Variants in TENM2 observed in about 807,000 individuals in gnomAD.
The protein encoded by TENM2 is teneurin transmembrane protein 2.
Under a neutral mutation model 245.2 loss-of-function variants are expected in TENM2, and 52 were observed. The ratio of observed to expected loss-of-function variants is 0.21; its 90% confidence interval spans 0.17 to 0.27. The LOEUF (loss-of-function observed/expected upper bound fraction) is 0.27, where lower values mean the gene tolerates loss of function less well. TENM2 is among the 10% of genes least tolerant of loss of function. The pLI is 1.00. For missense variants in TENM2, 3,046 were observed against 3,666.8 expected (o/e 0.83, Z 4.37); for synonymous variants, 1,363 against 1,438.9 (o/e 0.95, Z 1.19).
the TENM2 span, among the ~76,000 whole-genome samples, chr5:167,086,331 G>T: frequency 5.6e-4 from 86 of 152,220 alleles, 3 homozygotes; most frequent in African/African-American, 1.8e-3. Context: ...AACAATTTTT[G>T]CCTCTTAGAG....
chr5:167,784,973 GTT>G (rs35080720), intron 2 of TENM2, among the ~76,000 whole-genome samples: 21 of 149,886 alleles, frequency 1.4e-4, no homozygotes, highest in South Asian at 4.2e-4. Flanking sequence ...TTGAATTAAG[GTT>G]TTTTTTTTTG....
chr5:167,010,159 A>G, the TENM2 span, among the ~76,000 whole-genome samples: 1 of 152,188 alleles, frequency 6.6e-6, no homozygotes, highest in Non-Finnish European at 1.5e-5. Context: ...AGGCGGGTGG[A>G]TCACCTGAGG....
At chr5:167,185,807 TG>T in the TENM2 span, among the ~76,000 whole-genome samples, 1 of 152,052 alleles carries the variant, frequency 6.6e-6, no homozygotes, top group African/African-American at 2.4e-5. Flanking sequence ...AAACCTTTGG[TG>T]TGTCTTTGCG....
chr5:167,161,118 A>G, the TENM2 span, among the ~76,000 whole-genome samples: 124 of 152,364 alleles, frequency 8.1e-4, no homozygotes, highest in East Asian at 9.4e-3. Context: ...AAGATTGAAC[A>G]TATTTCTTTC....
At chr5:167,000,945 C>A in the TENM2 span, among the ~76,000 whole-genome samples, 3 of 151,670 alleles carry the variant, frequency 2.0e-5, no homozygotes, top group African/African-American at 7.3e-5. Context: ...AAAATTTTGT[C>A]TGTGGTTTTT....
rs1183665603 is a variant in TENM2 at position 167,894,980 on chromosome 5, AGGAAGGAAGGAG to A, written c.712+18797_712+18808del. ...AAGGAAGGAAGGAAGGAAGGAAGGAAGGAAGGAAGGAGGGAAGGAAGGAAGGAAGGGAGGGAG... is the reference window on the plus strand; with the variant it reads ...AAGGAAGGAAGGAAGGAAGGAAGGAAGGAAGGAAGGAAGGAAGGGAGGGAG... On this transcript the variant is annotated intron_variant, in intron 3 of 28. Coordinates refer to ENST00000518659, the Ensembl canonical transcript of TENM2. Among the ~76,000 whole-genome samples, 15 of 99,628 alleles carry A rather than the reference AGGAAGGAAGGAG, an allele frequency of 1.5e-4. No homozygotes were observed. In the East Asian group the frequency reaches 1.9e-3, roughly 12 times the overall value. 65.4% of individuals were successfully genotyped at this position (99,628 alleles called of 152,430 possible). A position where few individuals can be genotyped will look rare whatever the true frequency, so the allele number is the denominator to read the frequency against.
intron 2 of TENM2, among the ~76,000 whole-genome samples, chr5:167,521,556 T>C (rs1770757186): frequency 6.6e-6 from 1 of 152,200 alleles, no homozygotes; most frequent in Non-Finnish European, 1.5e-5. Flanking sequence ...GGTGGGATCT[T>C]GGCATAGCCA....
intron 2 of TENM2, among the ~76,000 whole-genome samples, chr5:167,453,967 A>T (rs1043940330): frequency 1.4e-4 from 22 of 152,206 alleles, no homozygotes; most frequent in African/African-American, 5.1e-4. Flanking sequence ...ACTTAGGGAC[A>T]TGGGTAATCA....
chr5:167,577,267 G>A (rs941354979), intron 2 of TENM2, among the ~76,000 whole-genome samples: 15 of 152,180 alleles, frequency 9.9e-5, no homozygotes, highest in African/African-American at 3.4e-4. Flanking sequence ...GGGGGACGTA[G>A]GGTATTACAA....
intron 9 of TENM2, among the ~76,000 whole-genome samples, chr5:168,112,863 T>G (rs1794789703): frequency 6.6e-6 from 1 of 152,200 alleles, no homozygotes; most frequent in Admixed American, 6.5e-5. Context: ...TCTCCATCAC[T>G]TATCCTCTAC....
chr5:167,350,585 G>GAT (rs1245669453), intron 1 of TENM2, among the ~76,000 whole-genome samples: 13 of 136,430 alleles, frequency 9.5e-5, no homozygotes, highest in Admixed American at 3.9e-4. Flanking sequence ...ATATATATGG[G>GAT]ATATATATAT....
At chr5:167,966,391 ATCCTTGT>A (rs1244954929) in intron 4 of TENM2, among the ~76,000 whole-genome samples, 1 of 152,172 alleles carries the variant, frequency 6.6e-6, no homozygotes, top group African/African-American at 2.4e-5. Flanking sequence ...CTTGAATATC[ATCCTTGT>A]TCCTGTTAGC....
intron 4 of TENM2, among the ~76,000 whole-genome samples, chr5:167,958,554 A>T (rs1011752736): frequency 6.6e-6 from 1 of 152,062 alleles, no homozygotes; most frequent in African/African-American, 2.4e-5. Context: ...CCGTTGGTTG[A>T]TGTAGTTTCT....
chr5:168,127,074 C>T, intron 12 of TENM2, 108 bp downstream of exon 14: 9 of 948,430 alleles, frequency 9.5e-6, no homozygotes, highest in Non-Finnish European at 1.3e-5. Flanking sequence ...TCCTGCTGCC[C>T]CTCCAAATCT....
At chr5:168,215,720 C>T (rs944063617) in intron 21 of TENM2, among the ~76,000 whole-genome samples, 10 of 152,190 alleles carry the variant, frequency 6.6e-5, no homozygotes, top group African/African-American at 2.4e-4. Context: ...CTTTATCATG[C>T]ACATAGGCTC....
chr5:167,744,476 G>A (rs557994971), intron 2 of TENM2, among the ~76,000 whole-genome samples: 2 of 152,268 alleles, frequency 1.3e-5, no homozygotes, highest in East Asian at 3.9e-4. Flanking sequence ...AGACACCTTA[G>A]AAGTGACAAG....
intron 5 of TENM2, among the ~76,000 whole-genome samples, chr5:168,016,080 C>T (rs776613793): frequency 3.3e-5 from 5 of 152,198 alleles, no homozygotes; most frequent in African/African-American, 4.8e-5. Flanking sequence ...CTTGGTTCCT[C>T]CATCATAACA....
chr5:167,248,644 G>T, the TENM2 span, among the ~76,000 whole-genome samples: 1 of 152,098 alleles, frequency 6.6e-6, no homozygotes, highest in Non-Finnish European at 1.5e-5. Flanking sequence ...GTGTGTTGGT[G>T]GCGGGGTGGC....
chr5:167,403,147 G>T (rs1228647730), intron 2 of TENM2, among the ~76,000 whole-genome samples: 1 of 149,546 alleles, frequency 6.7e-6, no homozygotes, highest in Non-Finnish European at 1.5e-5. Flanking sequence ...GTGTGTGTAA[G>T]TGTGTGTGAT....
Sources: gnomAD v4.1 joint callset for allele counts (sites outside exome capture counted in the v4.1 genomes callset) on GRCh38, gnomAD v4.1.1 for gene constraint, MANE v1.5 for transcripts, NCBI Gene and HGNC (gene_info 2026-07-23, HGNC 2026-07-21) for gene names.